Variants in CIDEA observed in about 807,000 individuals in gnomAD.
CIDEA encodes cell death inducing DFFA like effector a, also known as lipid transferase CIDEA.
A neutral mutation model predicts 18.2 loss-of-function variants in CIDEA; 10 were observed. The observed-to-expected ratio is 0.55, with a 90% CI of 0.34 to 0.93. The LOEUF is 0.93. Among genes scored for constraint, CIDEA ranks in the 40% least tolerant of loss-of-function variants. CIDEA has a pLI of 0.02. For missense variants in CIDEA, 309 were observed against 293.1 expected, an observed-to-expected ratio of 1.05 and a Z score of -0.40; for synonymous variants, 128 against 124.8, an observed-to-expected ratio of 1.03 and a Z score of -0.17.
At chr18:12,267,652 G>A (rs368984107) in intron 3 of CIDEA, among the ~76,000 whole-genome samples, 2 of 151,952 alleles carry the variant, frequency 1.3e-5, no homozygotes, top group East Asian at 1.9e-4. Context: ...CCACCACCAC[G>A]CCTGGCTAAT....
At chr18:12,267,676 G>A (rs1912389756) in intron 3 of CIDEA, among the ~76,000 whole-genome samples, 1 of 152,092 alleles carries the variant, frequency 6.6e-6, no homozygotes, top group Non-Finnish European at 1.5e-5. Flanking sequence ...TGTATTTTTA[G>A]TAGAGACAGG....
At position 12,262,996 on chromosome 18, in the gene CIDEA, C is replaced by A. The variant is rs151082534; in HGVS notation, c.183+27C>A. On this transcript the variant is annotated intron_variant, in intron 2 of 4. Transcript: ENST00000320477. ...TGCCCCACATCCCGCACCTCTCCCC[C>A]AGTCCACAGGGGTGCCCTGCACTCA... The A allele has an allele frequency of 7.1e-4, 1,144 of 1,611,816 alleles. 2 individuals carry two copies. The highest frequency in any genetic ancestry group is 1.2e-3 in the Middle Eastern group (7 of 5,862).
At chr18:12,261,325 G>A (rs8099155) in intron 1 of CIDEA, among the ~76,000 whole-genome samples, 67,723 of 151,778 alleles carry the variant, frequency 0.45, 15,382 homozygotes, top group Middle Eastern at 0.56. Context: ...CGGAAGAATC[G>A]CTTGAACCAT....
chr18:12,270,933 T>C (rs759110035), intron 3 of CIDEA, among the ~76,000 whole-genome samples: 1 of 147,238 alleles, frequency 6.8e-6, no homozygotes, highest in Non-Finnish European at 1.5e-5. Flanking sequence ...AGTTTTGCTT[T>C]TGTCGCCCAG....
chr18:12,266,095 A>G (rs1568103503), intron 3 of CIDEA, among the ~76,000 whole-genome samples: 1 of 152,146 alleles, frequency 6.6e-6, no homozygotes, highest in East Asian at 1.9e-4. Context: ...GCTGGGCAAG[A>G]TGCTACACAC....
intron 3 of CIDEA, among the ~76,000 whole-genome samples, chr18:12,269,772 A>T (rs935565181): frequency 4.6e-5 from 7 of 151,896 alleles, no homozygotes; most frequent in Admixed American, 4.6e-4. Flanking sequence ...ATCTTGGTTC[A>T]CTGCAGCCTT....
chr18:12,272,713 C>A (rs1912586599), intron 3 of CIDEA, among the ~76,000 whole-genome samples: 1 of 151,958 alleles, frequency 6.6e-6, no homozygotes, highest in South Asian at 2.1e-4. Context: ...ATGAAGTCAA[C>A]CTCACCCGAG....
chr18:12,256,359 C>T (rs761702110), intron 1 of CIDEA, among the ~76,000 whole-genome samples: 4 of 152,078 alleles, frequency 2.6e-5, no homozygotes, highest in African/African-American at 4.8e-5. Context: ...AGGAAAGAAC[C>T]GAATCAATGT....
chr18:12,269,942 C>A (rs554038401), intron 3 of CIDEA, among the ~76,000 whole-genome samples: 24 of 152,278 alleles, frequency 1.6e-4, no homozygotes, highest in African/African-American at 5.5e-4. Context: ...AAGTGATCCA[C>A]CTGCCTCAGC....
intron 4 of CIDEA, among the ~76,000 whole-genome samples, chr18:12,276,770 C>T (rs1598784697): frequency 6.6e-6 from 1 of 152,366 alleles, no homozygotes; most frequent in Non-Finnish European, 1.5e-5. Flanking sequence ...CACAGCACAC[C>T]TGTGCGGGTG....
chr18:12,274,218 T>C lies in CIDEA; in HGVS notation c.456T>C (p.Tyr152=), dbSNP rs1912638694. Residue 152 remains tyrosine, a synonymous_variant, in exon 4 of 5, where the codon TAT becomes TAC. Transcript: ENST00000320477. ...GCCTTAACGTGAAGGCCACCATGTATGAGATGTACTCCGTGTCCTACGACA... is the reference window on the plus strand; with the variant it reads ...GCCTTAACGTGAAGGCCACCATGTACGAGATGTACTCCGTGTCCTACGACA... The part of the protein sequence containing the change: ...IGCLNVKATM[Y]EMYSVSYDIR... 1 of 1,602,122 alleles carries C rather than the reference T, an allele frequency of 6.2e-7. No homozygotes were observed. Among genetic ancestry groups the C allele is most frequent in the Non-Finnish European group, 8.6e-7 (1 of 1,169,400 alleles).
chr18:12,260,487 A>G (rs1167589638), intron 1 of CIDEA, among the ~76,000 whole-genome samples: 2 of 152,176 alleles, frequency 1.3e-5, no homozygotes, highest in South Asian at 2.1e-4. Context: ...CACCCAGCCA[A>G]CTATCGGTTT....
Position 12,254,419 on chromosome 18 carries a change from C to A in CIDEA, c.36C>A (p.Ile12=). Residue 12 remains isoleucine, a splice_region_variant and synonymous_variant, in exon 1 of 5, where the codon ATC becomes ATA. Coordinates refer to ENST00000320477, the MANE Select transcript of CIDEA (RefSeq NM_001279.4). ...CCCGGGACTATGCAGGAGCCCTCATCAGGCGAGTGCCCCGCGTCCCCCTGA... is the reference window on the plus strand; with the variant it reads ...CCCGGGACTATGCAGGAGCCCTCATAAGGCGAGTGCCCCGCGTCCCCCTGA... The part of the protein sequence containing the change: ...EAARDYAGAL[I]RPLTFMGSQT... The A allele has an allele frequency of 6.3e-7, 1 of 1,588,970 alleles. No homozygotes were observed. Among genetic ancestry groups the A allele is most frequent in the Non-Finnish European group, 8.5e-7 (1 of 1,170,350 alleles).
intron 1 of CIDEA, among the ~76,000 whole-genome samples, chr18:12,260,821 G>A (rs1157617668): frequency 6.6e-6 from 1 of 152,172 alleles, no homozygotes; most frequent in Non-Finnish European, 1.5e-5. Context: ...TCTTTTTCAA[G>A]GTTGTCCTGA....
intron 3 of CIDEA, among the ~76,000 whole-genome samples, chr18:12,265,667 G>A (rs946479660): frequency 6.6e-6 from 1 of 152,216 alleles, no homozygotes; most frequent in Non-Finnish European, 1.5e-5. Context: ...CTTTACTCCA[G>A]CCCCGTTTCC....
chr18:12,270,520 CT>C (rs1168702066), intron 3 of CIDEA, among the ~76,000 whole-genome samples: 1 of 151,942 alleles, frequency 6.6e-6, no homozygotes, highest in African/African-American at 2.4e-5. Flanking sequence ...GAAACCCCGT[CT>C]TTACTAAAAA....
chr18:12,270,715 A>T (rs1912491761), intron 3 of CIDEA, among the ~76,000 whole-genome samples: 1 of 126,818 alleles, frequency 7.9e-6, no homozygotes, highest in Non-Finnish European at 1.7e-5. Context: ...AAAAAAAAAA[A>T]AGCAGGTGGG....
Position 12,254,364 on chromosome 18 carries a change from C to T in CIDEA, c.-20C>T. The T allele has an allele frequency of 6.6e-7, 1 of 1,519,182 alleles. No individual in the cohort carries two copies. Among genetic ancestry groups the T allele is most frequent in the East Asian group, 2.3e-5 (1 of 43,720 alleles). The allele number at this position is 1,519,182 out of a possible 1,614,324, so 94.1% of individuals were successfully genotyped here. A position where few individuals can be genotyped will look rare whatever the true frequency, so the allele number is the denominator to read the frequency against. The stretch of plus-strand genomic sequence containing the variant: ...CTGTGCAGGCAGACAGACCTCCAGG[C>T]CCGCTAGGGGATCCGCGCCATGGAG... On this transcript the variant is annotated 5_prime_UTR_variant, in exon 1 of 5. Coordinates refer to ENST00000320477, the MANE Select transcript of CIDEA (RefSeq NM_001279.4).
At position 12,254,945 on chromosome 18, in the gene CIDEA, G is replaced by A. The variant is rs145003296; in HGVS notation, c.38+524G>A. The A allele has an allele frequency of 1.2e-4, 150 of 1,224,378 alleles. 2 individuals carry two copies. The African/African-American group carries it at 1.8e-3, about 15-fold the overall frequency. The allele number at this position is 1,224,378 out of a possible 1,614,324, so 75.8% of individuals were successfully genotyped here. A position where few individuals can be genotyped will look rare whatever the true frequency, so the allele number is the denominator to read the frequency against. ...CGAGGGGAGGCCCCAACCGTCCGGC[G>A]GAGCCCTCCAGGTTGGTGGTGCTGG... On this transcript the variant is annotated intron_variant, in intron 1 of 4. Transcript: ENST00000320477.
Sources: gnomAD v4.1 joint callset for allele counts (sites outside exome capture counted in the v4.1 genomes callset) on GRCh38, gnomAD v4.1.1 for gene constraint, MANE v1.5 for transcripts, NCBI Gene and HGNC (gene_info 2026-07-23, HGNC 2026-07-21) for gene names.